Variants in HLTF observed in about 807,000 individuals in gnomAD.
HLTF encodes DNA-dependent ATPase/E3 ubiquitin-protein ligase HLTF.
A neutral mutation model predicts 129.4 loss-of-function variants in HLTF; 127 were observed. The ratio of observed to expected loss-of-function variants is 0.98; its 90% CI spans 0.85 to 1.14. The LOEUF is 1.14. Ranked by LOEUF, HLTF falls within the 50% of genes most tolerant of loss-of-function variation. The pLI is 0.00. For synonymous variants in HLTF, 332 were observed against 388.8 expected (o/e 0.85, Z 1.72); for missense variants, 1,139 against 1,187.1 (o/e 0.96, Z 0.60).
At chr3:149,051,762 C>T (rs564994309) in intron 14 of HLTF, among the ~76,000 whole-genome samples, 3 of 151,754 alleles carry the variant, frequency 2.0e-5, no homozygotes, top group Admixed American at 2.0e-4. Context: ...TCCAGCTACT[C>T]GGGAGGCTAA....
rs760570439 is a variant in HLTF, at chr3:149,084,917, C to A, written c.21-28G>T. 6 of 1,496,430 alleles carry A rather than the reference C, an allele frequency of 4.0e-6. No homozygotes were observed. In the South Asian group the frequency reaches 4.6e-5, roughly 11 times the overall value. 92.7% of individuals were successfully genotyped at this position (1,496,430 alleles called of 1,614,324 possible). Reference sequence around the variant, plus strand: ...ATTTTTTTTTAAAGGCAAAGAAAAACAATATAATATTTAAGTATTTCCAAA... The same window carrying A: ...ATTTTTTTTTAAAGGCAAAGAAAAAAAATATAATATTTAAGTATTTCCAAA... On this transcript the variant is annotated intron_variant, in intron 1 of 24. Transcript: ENST00000310053.
At chr3:149,043,797 C>G (rs1271574764) in intron 18 of HLTF, among the ~76,000 whole-genome samples, 1 of 152,158 alleles carries the variant, frequency 6.6e-6, no homozygotes, top group Non-Finnish European at 1.5e-5. Context: ...TAACCTTGGA[C>G]AGGTTGCTTA....
chr3:149,044,038 C>T (rs1716340085), intron 18 of HLTF, among the ~76,000 whole-genome samples: 1 of 152,104 alleles, frequency 6.6e-6, no homozygotes, highest in African/African-American at 2.4e-5. Flanking sequence ...AAAGATTAAA[C>T]TTACAAGCTC....
rs147472587 is a variant in HLTF at position 149,068,266 on chromosome 3, T to C, written c.964A>G (p.Arg322Gly). Residue 322 changes from arginine to glycine, a missense_variant, in exon 8 of 25, where the codon AGA (arginine) becomes GGA (glycine). Arg to Gly is a moderately radical substitution (Grantham distance 125). Coordinates refer to ENST00000310053, the MANE Select transcript of HLTF (RefSeq NM_003071.4). ...TTCTTCAGTAGATTCTTTTTAACTCTTTCAATAGGAAGAGGTCTGCCATCA... is the reference window on the plus strand; with the variant it reads ...TTCTTCAGTAGATTCTTTTTAACTCCTTCAATAGGAAGAGGTCTGCCATCA... ...FHDGRPLPIE[R>G]VKKNLLKKEY... 5 of 1,557,562 alleles carry C rather than the reference T, an allele frequency of 3.2e-6. No individual in the cohort carries two copies. The highest frequency in any genetic ancestry group is 4.4e-6 in the Non-Finnish European group (5 of 1,134,048).
intron 20 of HLTF, chr3:149,040,408 C>A: frequency 3.0e-6 from 1 of 330,178 alleles, no homozygotes; most frequent in Non-Finnish European, 5.4e-6. Flanking sequence ...AGCAAGAAAC[C>A]AAAAATTATA....
chr3:149,051,488 C>T (rs1716991418), intron 14 of HLTF, among the ~76,000 whole-genome samples: 1 of 152,138 alleles, frequency 6.6e-6, no homozygotes, highest in Admixed American at 6.5e-5. Context: ...ACGTTAGGGA[C>T]AGAGTCTACA....
chr3:149,040,338 G>GT, intron 20 of HLTF, 182 bp from the exon 21 acceptor site: 1 of 546,254 alleles, frequency 1.8e-6, no homozygotes, highest in African/African-American at 2.0e-5. Flanking sequence ...ACATAATGTG[G>GT]TAAGTAGAAC....
intron 19 of HLTF, chr3:149,041,948 G>A: frequency 1.7e-6 from 1 of 584,230 alleles, no homozygotes. Flanking sequence ...TTTCATCAAA[G>A]GGTATCTATC....
At chr3:149,070,511 T>A (rs1202131783) in intron 7 of HLTF, among the ~76,000 whole-genome samples, 2 of 152,230 alleles carry the variant, frequency 1.3e-5, no homozygotes, top group African/African-American at 4.8e-5. Context: ...CTATAACTAC[T>A]GATAACAGCA....
At chr3:149,070,169 G>A (rs1718729726) in intron 7 of HLTF, among the ~76,000 whole-genome samples, 1 of 152,114 alleles carries the variant, frequency 6.6e-6, no homozygotes, top group African/African-American at 2.4e-5. Context: ...AATATTTATT[G>A]AATTTTGATG....
At chr3:149,039,923 C>A in intron 21 of HLTF, 108 bp downstream of exon 21, 1 of 1,009,988 alleles carries the variant, frequency 9.9e-7, no homozygotes, top group Admixed American at 3.0e-5. Context: ...AACAACAGAA[C>A]ACTAAAATGA....
chr3:149,032,463 G>A, intron 24 of HLTF, 91 bp from the exon 25 acceptor site: 1 of 714,006 alleles, frequency 1.4e-6, no homozygotes, highest in Non-Finnish European at 2.1e-6. Context: ...TTGCCTAATG[G>A]CAAAAACCGC....
At chr3:149,074,407 A>T in intron 3 of HLTF, 59 bp from the exon 4 acceptor site, 1 of 1,477,998 alleles carries the variant, frequency 6.8e-7, no homozygotes, top group Non-Finnish European at 9.2e-7. Flanking sequence ...TATCCCCACT[A>T]AGAATTAGTT....
intron 8 of HLTF, among the ~76,000 whole-genome samples, chr3:149,066,342 A>C (rs1259758980): frequency 6.6e-6 from 1 of 152,134 alleles, no homozygotes; most frequent in African/African-American, 2.4e-5. Flanking sequence ...CACTATGCCC[A>C]GCTTTGCATT....
At chr3:149,053,838 A>G (rs1165399381) in intron 14 of HLTF, among the ~76,000 whole-genome samples, 3 of 152,204 alleles carry the variant, frequency 2.0e-5, no homozygotes, top group African/African-American at 7.2e-5. Flanking sequence ...TAGATAGTTT[A>G]TACCTCCATT....
chr3:149,059,719 C>T lies in HLTF; in HGVS notation c.1374G>A (p.Lys458=), dbSNP rs3765075. 5.1e-6 allele frequency: 8 copies of T among 1,571,624 alleles called. No homozygotes were observed. In the East Asian group the frequency reaches 1.8e-4, roughly 36 times the overall value. The change falls in exon 13 of 25, where the codon AAG becomes AAA. Residue 458 remains lysine, a splice_region_variant and synonymous_variant. Coordinates refer to ENST00000310053, the MANE Select transcript of HLTF (RefSeq NM_003071.4). ...TAGAAAACAAGGATATTTACTGACC[C>T]TTTTTCAACATTTTCTTTTTTGTTG... ...VPTTKKKMLK[K]GACAVEGSKK...
chr3:149,071,375 G>C lies in HLTF; in HGVS notation c.771C>G (p.Ser257Arg), dbSNP rs1718844692. Reference sequence around the variant, plus strand: ...GTTCCCAGAATGGTGGAAGTTCTTTGCTATTTTCCCGTGACACCATCCAAG... The same window carrying C: ...GTTCCCAGAATGGTGGAAGTTCTTTCCTATTTTCCCGTGACACCATCCAAG... ...ALAWMVSRENSKELPPFWEQR... is the reference protein window; with the variant it reads ...ALAWMVSRENRKELPPFWEQR... Residue 257 changes from serine (S) to arginine (R), a missense_variant, in exon 7 of 25, where the codon AGC becomes AGG. Transcript: ENST00000310053. 1 of 1,613,552 alleles carries C rather than the reference G, an allele frequency of 6.2e-7. No homozygotes were observed. The highest frequency in any genetic ancestry group is 1.3e-5 in the African/African-American group (1 of 75,044).
At chr3:149,072,003 T>C (rs1465953744) in intron 5 of HLTF, among the ~76,000 whole-genome samples, 1 of 151,948 alleles carries the variant, frequency 6.6e-6, no homozygotes, top group Admixed American at 6.6e-5. Flanking sequence ...GAGTGAACCA[T>C]GATTATGCCA....
chr3:149,074,568 A>G (rs1479255112), intron 3 of HLTF, among the ~76,000 whole-genome samples: 1 of 152,192 alleles, frequency 6.6e-6, no homozygotes, highest in Non-Finnish European at 1.5e-5. Context: ...AAAAATTGAG[A>G]AAATGGAATA....
Sources: allele counts gnomAD v4.1 joint callset (sites outside exome capture counted in the v4.1 genomes callset), GRCh38; gene constraint gnomAD v4.1.1; transcripts MANE v1.5; gene names NCBI Gene and HGNC (gene_info 2026-07-23, HGNC 2026-07-21).